The following RALGPS2 variants were observed in gnomAD, a reference collection of about 807,000 sequenced individuals.
RALGPS2 encodes the protein ras-specific guanine nucleotide-releasing factor RalGPS2.
A neutral mutation model predicts 86.8 loss-of-function variants in RALGPS2; 43 were observed. The ratio of observed to expected loss-of-function variants is 0.50; its 90% confidence interval spans 0.39 to 0.64. The LOEUF (loss-of-function observed/expected upper bound fraction) is 0.64, where lower values mean the gene tolerates loss of function less well. Among genes scored for constraint, RALGPS2 ranks in the 30% least tolerant of loss-of-function variants. The pLI is 0.00. For synonymous variants in RALGPS2, 243 were observed against 231.3 expected (o/e 1.05, Z -0.46); for missense variants, 536 against 694.6 (o/e 0.77, Z 2.57).
intron 8 of RALGPS2, among the ~76,000 whole-genome samples, chr1:178,857,963 A>G (rs1657706717): frequency 1.3e-5 from 2 of 152,182 alleles, no homozygotes; most frequent in African/African-American, 4.8e-5. Flanking sequence ...CTTTGATTTC[A>G]TAAGACTTCA....
intron 1 of RALGPS2, 112 bp from the exon 2 acceptor site, chr1:178,776,566 TAATA>T (rs1653095651): frequency 6.8e-6 from 3 of 438,120 alleles, no homozygotes; most frequent in South Asian, 4.1e-5. Context: ...TGAGCTAAGA[TAATA>T]AATAGAGTTT....
chr1:178,762,850 T>C (rs975188247), intron 1 of RALGPS2, among the ~76,000 whole-genome samples: 6 of 152,186 alleles, frequency 3.9e-5, no homozygotes, highest in Non-Finnish European at 7.3e-5. Flanking sequence ...CTTAGTTTAA[T>C]TGGGTCTCAT....
At chr1:178,748,471 T>C (rs1020974499) in intron 1 of RALGPS2, among the ~76,000 whole-genome samples, 1 of 152,244 alleles carries the variant, frequency 6.6e-6, no homozygotes, top group Non-Finnish European at 1.5e-5. Context: ...GATGTGACTA[T>C]ACTATTTAGC....
intron 1 of RALGPS2, among the ~76,000 whole-genome samples, chr1:178,768,460 A>G (rs1572307030): frequency 6.6e-6 from 1 of 152,286 alleles, no homozygotes; most frequent in East Asian, 1.9e-4. Flanking sequence ...TTCTGTAACC[A>G]TAAGCACTTC....
intron 1 of RALGPS2, among the ~76,000 whole-genome samples, chr1:178,736,524 A>G (rs1650712806): frequency 6.6e-6 from 1 of 152,104 alleles, no homozygotes; most frequent in Non-Finnish European, 1.5e-5. Context: ...ATATTATACT[A>G]CTTTCTCCAA....
rs543918460 is a variant in RALGPS2 at position 178,758,576 on chromosome 1, G to A, written c.-83-18106G>A. 1.3e-4 allele frequency among the ~76,000 whole-genome samples: 19 copies of A among 151,824 alleles called. No homozygotes were observed. The South Asian group carries it at 3.7e-3, about 30-fold the overall frequency. ...CCTCCACTGCCCTTCTCAGCCTCTG[G>A]TAACCATCCTTCTCTCTGTCTCCAT... On this transcript the variant is annotated intron_variant, in intron 1 of 19. Coordinates refer to ENST00000367635, the MANE Select transcript of RALGPS2 (RefSeq NM_152663.5).
In RALGPS2 at chr1:178,788,841, C is replaced by CTTTCTTTTCTTTTCT. The variant is rs199644509; in HGVS notation, c.213+3262_213+3276dup. Among the ~76,000 whole-genome samples the CTTTCTTTTCTTTTCT allele has an allele frequency of 9.3e-4, 123 of 132,496 alleles. 1 individual carries two copies. The highest frequency in any genetic ancestry group is 3.2e-3 in the African/African-American group (109 of 34,302). 86.9% of individuals were successfully genotyped at this position (132,496 alleles called of 152,430 possible). A position where few individuals can be genotyped will look rare whatever the true frequency, so the allele number is the denominator to read the frequency against. ...TTCTTTTCTTTTGTTTTCTTTCTTT[C>CTTTCTTTTCTTTTCT]TTTCTTTTCTTTTCTTTTCTTTTCT... On this transcript the variant is annotated intron_variant, in intron 4 of 19. Transcript: ENST00000367635.
chr1:178,887,568 T>C (rs1363452418), intron 13 of RALGPS2, among the ~76,000 whole-genome samples: 1 of 152,218 alleles, frequency 6.6e-6, no homozygotes, highest in South Asian at 2.1e-4. Flanking sequence ...ACTAAGCCTA[T>C]TGTTACTAAT....
chr1:178,760,900 T>C (rs1251763091), intron 1 of RALGPS2, among the ~76,000 whole-genome samples: 1 of 152,174 alleles, frequency 6.6e-6, no homozygotes, highest in East Asian at 1.9e-4. Context: ...GTTTTCTTCT[T>C]CTCGGTCTCT....
intron 1 of RALGPS2, among the ~76,000 whole-genome samples, chr1:178,738,600 C>A (rs998646029): frequency 3.3e-5 from 5 of 152,092 alleles, no homozygotes; most frequent in African/African-American, 1.2e-4. Context: ...TAATAAGTAT[C>A]TACATGTTTT....
At chr1:178,865,481 A>C in intron 8 of RALGPS2, 2 of 1,614,042 alleles carry the variant, frequency 1.2e-6, no homozygotes, top group Non-Finnish European at 8.5e-7. Context: ...CAGAACATCT[A>C]TCTCCCGCTT....
chr1:178,767,733 C>A (rs1325176881), intron 1 of RALGPS2, among the ~76,000 whole-genome samples: 1 of 152,152 alleles, frequency 6.6e-6, no homozygotes, highest in African/African-American at 2.4e-5. Context: ...GTTGACCACC[C>A]TGTCATCTGA....
intron 2 of RALGPS2, 57 bp from the exon 3 acceptor site, chr1:178,784,361 C>A: frequency 7.3e-7 from 1 of 1,365,224 alleles, no homozygotes; most frequent in Non-Finnish European, 1.0e-6. Flanking sequence ...AATCTAGTTT[C>A]TATCACTTGA....
intron 4 of RALGPS2, among the ~76,000 whole-genome samples, chr1:178,786,108 C>T (rs1247164874): frequency 2.0e-5 from 3 of 152,098 alleles, no homozygotes; most frequent in Non-Finnish European, 4.4e-5. Flanking sequence ...TCATTAGCCT[C>T]ACATCGAGTA....
At chr1:178,813,856 G>A (rs561067062) in intron 6 of RALGPS2, among the ~76,000 whole-genome samples, 5 of 152,162 alleles carry the variant, frequency 3.3e-5, no homozygotes, top group East Asian at 1.9e-4. Context: ...GATGTTAACC[G>A]CATCTACAAA....
intron 1 of RALGPS2, among the ~76,000 whole-genome samples, chr1:178,773,804 A>G (rs565357863): frequency 3.9e-5 from 6 of 152,168 alleles, no homozygotes; most frequent in Non-Finnish European, 7.4e-5. Context: ...TCAAAAAAAA[A>G]AAAAATACTA....
At chr1:178,733,431 GA>G (rs1392536939) in intron 1 of RALGPS2, among the ~76,000 whole-genome samples, 2 of 152,168 alleles carry the variant, frequency 1.3e-5, no homozygotes. Flanking sequence ...CAGGTATTCA[GA>G]AAATGAATTG....
Position 178,906,806 on chromosome 1 carries a change from G to A in RALGPS2, c.1661G>A (p.Arg554Lys). The A allele has an allele frequency of 6.2e-7, 1 of 1,608,882 alleles. No homozygotes were observed. The highest frequency in any genetic ancestry group is 8.5e-7 in the Non-Finnish European group (1 of 1,178,662). The change falls in exon 19 of 20, where the codon AGA (arginine) becomes AAA (lysine). Residue 554 changes from arginine (R) to lysine (K), a missense_variant. Arg to Lys is a conservative substitution (Grantham distance 26, BLOSUM62 2). Around this residue, in one of 3 missense-constraint regions of RALGPS2, gnomAD observed 309 missense variants for 363.0 expected, o/e 0.85. Transcript: ENST00000367635. The stretch of plus-strand genomic sequence containing the variant: ...TCGTACAAGTTTCAAGCTGGCAATA[G>A]AATGAATGCAATGTTATGGTTTAAG... ...GNSYKFQAGN[R>K]MNAMLWFKHL... is the part of the protein sequence containing the mutation.
chr1:178,870,450 A>G (rs937360296), intron 8 of RALGPS2, among the ~76,000 whole-genome samples: 1 of 152,164 alleles, frequency 6.6e-6, no homozygotes, highest in African/African-American at 2.4e-5. Flanking sequence ...ATTTCTTTCT[A>G]CTGTCACTAA....
Sources: gnomAD v4.1 joint callset for allele counts (sites outside exome capture counted in the v4.1 genomes callset) on GRCh38, gnomAD v4.1.1 for gene constraint, gnomAD v4.1.1 regional missense constraint, MANE v1.5 for transcripts, NCBI Gene and HGNC (gene_info 2026-07-23, HGNC 2026-07-21) for gene names.